The following KSR1 variants were observed in gnomAD, a reference collection of about 807,000 sequenced individuals.
The protein encoded by KSR1 is kinase suppressor of ras.
Under a neutral mutation model 92.9 loss-of-function variants are expected in KSR1, and 35 were observed. The ratio of observed to expected loss-of-function variants is 0.38; its 90% CI spans 0.29 to 0.50. The LOEUF is 0.50. Ranked by LOEUF, KSR1 falls within the 20% of genes least tolerant of loss-of-function variation. The pLI, the probability that KSR1 is intolerant of heterozygous loss-of-function variation, is 0.94. For synonymous variants in KSR1, 467 were observed against 472.6 expected (o/e 0.99, Z 0.15); for missense variants, 972 against 1,158.5 (o/e 0.84, Z 2.34).
chr17:27,582,075 G>A (rs999040659), intron 3 of KSR1, among the ~76,000 whole-genome samples: 5 of 151,974 alleles, frequency 3.3e-5, no homozygotes, highest in South Asian at 2.1e-4. Context: ...TCACCCCTTC[G>A]GTTTCTGAGG....
intron 1 of KSR1, among the ~76,000 whole-genome samples, chr17:27,469,650 A>AGTGCT (rs2019874106): frequency 6.6e-6 from 1 of 152,158 alleles, no homozygotes; most frequent in African/African-American, 2.4e-5. Flanking sequence ...ATACAGAAGG[A>AGTGCT]GTGCTGGACA....
At chr17:27,549,659 T>G (rs2071320168) in intron 1 of KSR1, among the ~76,000 whole-genome samples, 1 of 152,160 alleles carries the variant, frequency 6.6e-6, no homozygotes, top group Admixed American at 6.5e-5. Context: ...CATTTCAGGG[T>G]GTGGATCCCT....
chr17:27,611,435 C>T (rs541498380), intron 17 of KSR1, 59 bp from the exon 18 acceptor site: 2 of 1,609,792 alleles, frequency 1.2e-6, no homozygotes, highest in Non-Finnish European at 1.7e-6. Flanking sequence ...TCAAGGGCCC[C>T]TGGGCTTGAG....
chr17:27,607,374 C>T (rs892133367), intron 14 of KSR1, among the ~76,000 whole-genome samples: 1 of 152,080 alleles, frequency 6.6e-6, no homozygotes, highest in Non-Finnish European at 1.5e-5. Flanking sequence ...ATGCAGGTGG[C>T]GACCCCAGAA....
At chr17:27,510,196 C>T (rs1597911923) in intron 1 of KSR1, among the ~76,000 whole-genome samples, 2 of 152,190 alleles carry the variant, frequency 1.3e-5, no homozygotes, top group South Asian at 2.1e-4. Flanking sequence ...TTCTGAGGGC[C>T]GTGAGTTGTG....
At chr17:27,590,523 CA>C (rs2073128048) in intron 6 of KSR1, among the ~76,000 whole-genome samples, 1 of 152,202 alleles carries the variant, frequency 6.6e-6, no homozygotes, top group Non-Finnish European at 1.5e-5. Flanking sequence ...ACTGTGGGGT[CA>C]AAGGGTATGC....
chr17:27,582,961 G>A lies in KSR1; in HGVS notation c.836G>A (p.Arg279Gln), dbSNP rs762375065. ...CCGCCCACCACACCCCAGCTGCGACGGCACACCAAGCTGAAGCCACCACGG... is the reference window on the plus strand; with the variant it reads ...CCGCCCACCACACCCCAGCTGCGACAGCACACCAAGCTGAAGCCACCACGG... ...ITPPTTPQLR[R>Q]HTKLKPPRTP... The change falls in exon 4 of 21, where the codon CGG (arginine) becomes CAG (glutamine). Residue 279 changes from arginine (R) to glutamine (Q), a missense_variant. By Grantham distance (43) the Arg-to-Gln change is conservative. This residue lies in a region of KSR1 where 611 missense variants were observed against 668.0 expected (regional missense o/e 0.91). Transcript: ENST00000644974. 3.1e-5 allele frequency: 43 copies of A among 1,388,640 alleles called. 1 individual carries two copies. The highest frequency in any genetic ancestry group is 1.3e-4 in the South Asian group (11 of 86,676). 86.0% of individuals were successfully genotyped at this position (1,388,640 alleles called of 1,614,324 possible).
At chr17:27,587,888 T>TG (rs2073026774) in intron 5 of KSR1, among the ~76,000 whole-genome samples, 1 of 152,154 alleles carries the variant, frequency 6.6e-6, no homozygotes, top group South Asian at 2.1e-4. Context: ...GGCTTGTACC[T>TG]GGGTGGGGCT....
chr17:27,558,525 T>A (rs1001601286), intron 2 of KSR1, among the ~76,000 whole-genome samples: 2 of 151,878 alleles, frequency 1.3e-5, no homozygotes, highest in Admixed American at 6.6e-5. Context: ...TGAACGAAGA[T>A]GAGAGCCCGT....
At chr17:27,547,544 T>G (rs1467963806) in intron 1 of KSR1, among the ~76,000 whole-genome samples, 1 of 152,162 alleles carries the variant, frequency 6.6e-6, no homozygotes, top group Non-Finnish European at 1.5e-5. Context: ...GTTATGGCAG[T>G]TATTAGATGC....
intron 1 of KSR1, among the ~76,000 whole-genome samples, chr17:27,492,234 G>A (rs2068854094): frequency 1.3e-5 from 2 of 152,202 alleles, no homozygotes; most frequent in Admixed American, 1.3e-4. Flanking sequence ...TTCATTTAGA[G>A]GCTGTGGTTC....
At chr17:27,537,933 T>C (rs1479886073) in intron 1 of KSR1, among the ~76,000 whole-genome samples, 1 of 152,190 alleles carries the variant, frequency 6.6e-6, no homozygotes, top group East Asian at 1.9e-4. Flanking sequence ...TTTGTGAATA[T>C]GGGCTTGACA....
At chr17:27,506,585 G>A (rs550569773) in intron 1 of KSR1, among the ~76,000 whole-genome samples, 6 of 152,234 alleles carry the variant, frequency 3.9e-5, no homozygotes, top group South Asian at 2.1e-4. Context: ...CTTGCGGGCC[G>A]GCAGCTGGGA....
chr17:27,548,031 T>A (rs1202936092), intron 1 of KSR1, among the ~76,000 whole-genome samples: 5 of 152,182 alleles, frequency 3.3e-5, no homozygotes, highest in Non-Finnish European at 7.3e-5. Flanking sequence ...CAGTTTTCAG[T>A]AATTTGATAA....
At chr17:27,611,432 C>G (rs894281333) in intron 17 of KSR1, 62 bp from the exon 18 acceptor site, 1 of 1,607,776 alleles carries the variant, frequency 6.2e-7, no homozygotes, top group Admixed American at 1.7e-5. Flanking sequence ...GGCTCAAGGG[C>G]CCCTGGGCTT....
chr17:27,568,695 G>A (rs1275635460), intron 2 of KSR1, among the ~76,000 whole-genome samples: 1 of 152,204 alleles, frequency 6.6e-6, no homozygotes, highest in Non-Finnish European at 1.5e-5. Flanking sequence ...GCCACACCTA[G>A]CACCCTGCAC....
chr17:27,533,660 G>T (rs2945383), intron 1 of KSR1, among the ~76,000 whole-genome samples: 43 of 151,998 alleles, frequency 2.8e-4, no homozygotes, highest in Non-Finnish European at 4.7e-4. Flanking sequence ...GGGATTACAG[G>T]TGTGAGCCCC....
chr17:27,499,746 T>C (rs1344113406), intron 1 of KSR1, among the ~76,000 whole-genome samples: 1 of 152,200 alleles, frequency 6.6e-6, no homozygotes, highest in Non-Finnish European at 1.5e-5. Flanking sequence ...CCTTCAATAA[T>C]GTGTTAGTGA....
intron 19 of KSR1, 133 bp from the exon 20 acceptor site, chr17:27,621,060 G>A (rs1352354459): frequency 1.0e-5 from 4 of 397,230 alleles, no homozygotes; most frequent in African/African-American, 4.1e-5. Context: ...GGTGGCGGAT[G>A]TGCTGTTCTG....
Sources: allele counts gnomAD v4.1 joint callset (sites outside exome capture counted in the v4.1 genomes callset), GRCh38; gene constraint gnomAD v4.1.1; regional missense constraint gnomAD v4.1.1; transcripts MANE v1.5; gene names NCBI Gene and HGNC (gene_info 2026-07-23, HGNC 2026-07-21).